The following SMG5 variants were observed in gnomAD, a reference collection of about 807,000 sequenced individuals.
SMG5 encodes the protein SMG5 nonsense mediated mRNA decay factor.
In SMG5, 53 loss-of-function variants were observed where a neutral mutation model predicts 122.9. The observed-to-expected ratio is 0.43, with a 90% CI of 0.35 to 0.54. SMG5 has a LOEUF of 0.54. Among genes scored for constraint, SMG5 ranks in the 20% least tolerant of loss-of-function variants. The pLI, the probability that SMG5 is intolerant of heterozygous loss-of-function variation, is 0.01. For synonymous variants in SMG5, 477 were observed against 490.2 expected (o/e 0.97, Z 0.35); for missense variants, 1,153 against 1,285.6 (o/e 0.90, Z 1.58).
chr1:156,259,308 T>A, intron 15 of SMG5, 145 bp from the exon 16 acceptor site: 1 of 845,192 alleles, frequency 1.2e-6, no homozygotes, highest in Non-Finnish European at 1.7e-6. Flanking sequence ...AGATTTGTGG[T>A]CTATGGGGTG....
rs372534316 is a variant in SMG5 at position 156,263,618 on chromosome 1, A to G, written c.1856-48T>C. On this transcript the variant is annotated intron_variant, in intron 12 of 21. Transcript: ENST00000361813. ...AGAAAAAAACTGGGATAAACAACTG[A>G]CACTTGGGAACAGGCCTCAGCTCTG... is the stretch of plus-strand genomic sequence containing the variant. 8.8e-6 allele frequency: 14 copies of G among 1,585,614 alleles called. No homozygotes were observed. In the African/African-American group the frequency reaches 1.9e-4, roughly 21 times the overall value.
intron 7 of SMG5, among the ~76,000 whole-genome samples, chr1:156,270,070 C>CTT (rs56658462): frequency 0.23 from 34,396 of 152,006 alleles, 4,540 homozygotes; most frequent in Non-Finnish European, 0.29. Flanking sequence ...ACCCAATGAC[C>CTT]TTAACACTCA....
At chr1:156,273,278 A>G in intron 6 of SMG5, 83 bp downstream of exon 6, 1 of 1,110,680 alleles carries the variant, frequency 9.0e-7, no homozygotes, top group Non-Finnish European at 1.4e-6. Flanking sequence ...GAAAATGAGT[A>G]TGAACTGCCT....
rs768648913 is a variant in SMG5 at position 156,260,534 on chromosome 1, G to C, written c.2200C>G (p.Leu734Val). ...GCTCGGAGCGGGGGCAGGTTACGAA[G>C]AGCCATGTCCTCTGGGAGCAGAAGG... ...SSLLLPEDMA[L>V]RNLPPLRAAH... Residue 734 changes from leucine (L) to valine (V), a missense_variant, in exon 15 of 22, where the codon CTT becomes GTT. By Grantham distance (32) the Leu-to-Val change is conservative (BLOSUM62 1). Transcript: ENST00000361813. 6 of 1,579,818 alleles carry C rather than the reference G, an allele frequency of 3.8e-6. No homozygotes were observed. In the African/African-American group the frequency reaches 5.5e-5, roughly 15 times the overall value.
At position 156,265,983 on chromosome 1, in the gene SMG5, G is replaced by A. The variant is rs1662110189; in HGVS notation, c.1653C>T (p.Ser551=). The stretch of plus-strand genomic sequence containing the variant: ...CACTGGGGCCCAGTGGGCCATTGAG[G>A]GAATCGGGAGCCTCTGATCTGCCCC... The part of the protein sequence containing the change: ...PPRGRSEAPD[S]LNGPLGPSEA... Residue 551 remains serine, a synonymous_variant, in exon 12 of 22, where the codon TCC becomes TCT. Coordinates refer to ENST00000361813, the MANE Select transcript of SMG5 (RefSeq NM_015327.3). The A allele has an allele frequency of 1.2e-6, 2 of 1,614,214 alleles. No individual in the cohort carries two copies. Among genetic ancestry groups the A allele is most frequent in the East Asian group, 4.5e-5 (2 of 44,874 alleles).
In SMG5 at chr1:156,249,744, T is replaced by C. The variant is rs548474826; in HGVS notation, c.*843A>G. The C allele has an allele frequency of 1.7e-5, 8 of 470,256 alleles. No individual in the cohort carries two copies. Among genetic ancestry groups the C allele is most frequent in the African/African-American group, 1.0e-4 (5 of 50,178 alleles). The allele number at this position is 470,256 out of a possible 1,614,324, so 29.1% of individuals were successfully genotyped here. On this transcript the variant is annotated 3_prime_UTR_variant, in exon 22 of 22. Transcript: ENST00000361813. ...AGGAAGGGGGGTGGTGGCCTCAGAC[T>C]GCACCCCCTTTCTTCTCTTCCTGGC...
At chr1:156,261,916 G>A (rs935975991) in intron 13 of SMG5, among the ~76,000 whole-genome samples, 1 of 137,038 alleles carries the variant, frequency 7.3e-6, no homozygotes, top group Admixed American at 7.5e-5. Context: ...AAAAAAAATA[G>A]CCAGGCGTGG....
Position 156,260,438 on chromosome 1 carries a change from A to T in SMG5, c.2283+13T>A, listed in dbSNP as rs766639379. The T allele has an allele frequency of 1.7e-5, 27 of 1,596,328 alleles. No homozygotes were observed. The highest frequency in any genetic ancestry group is 2.3e-5 in the Non-Finnish European group (27 of 1,173,726). On this transcript the variant is annotated intron_variant, in intron 15 of 21. Transcript: ENST00000361813. ...GACAAACAGAGCTGTGGCATAAGAA[A>T]TGCTATCCTTACCTCCTCTAAGGTG...
At position 156,273,697 on chromosome 1, in the gene SMG5, CTT is replaced by C. The variant is rs1343049576; in HGVS notation, c.545-249_545-248del. ...ATATTGTTTGTGAAGTAAATAAGCT[CTT>C]CTTTTTTTGTTTTGTTTTCTTTTTT... On this transcript the variant is annotated intron_variant, in intron 5 of 21. Coordinates refer to ENST00000361813, the MANE Select transcript of SMG5 (RefSeq NM_015327.3). Among the ~76,000 whole-genome samples, 8 of 144,646 alleles carry C rather than the reference CTT, an allele frequency of 5.5e-5. 1 individual carries two copies. The Middle Eastern group carries it at 0.022, about 399-fold the overall frequency. 94.9% of individuals were successfully genotyped at this position (144,646 alleles called of 152,430 possible).
At position 156,268,347 on chromosome 1, in the gene SMG5, T is replaced by A. The variant is rs746284440; in HGVS notation, c.782A>T (p.Lys261Ile). The A allele has an allele frequency of 3.1e-6, 5 of 1,614,200 alleles. No individual in the cohort carries two copies. The highest frequency in any genetic ancestry group is 1.6e-4 in the Middle Eastern group (1 of 6,062). Residue 261 changes from lysine (K) to isoleucine (I), a missense_variant, in exon 8 of 22, where the codon AAA becomes ATA. Physicochemically the swap from Lys to Ile is moderately radical, Grantham distance 102 (BLOSUM62 -3). This residue lies in a region of SMG5 where 85 missense variants were observed against 127.3 expected (regional missense o/e 0.67). Coordinates refer to ENST00000361813, the MANE Select transcript of SMG5 (RefSeq NM_015327.3). The stretch of plus-strand genomic sequence containing the variant: ...ACACTTCTTCAGTTGGTGGTACATT[T>A]TGGCTGCCTTGTCATACAGCCGCTT... The part of the protein sequence containing the change: ...NLKRLYDKAA[K>I]MYHQLKKCET...
intron 1 of SMG5, among the ~76,000 whole-genome samples, chr1:156,280,000 G>C (rs1299236816): frequency 6.6e-6 from 1 of 152,162 alleles, no homozygotes; most frequent in Non-Finnish European, 1.5e-5. Context: ...TACTTTGTGA[G>C]GATTAAATTA....
In SMG5 at chr1:156,260,710, T is replaced by A. The variant is rs763954193; in HGVS notation, c.2108-84A>T. 4 of 1,278,172 alleles carry A rather than the reference T, an allele frequency of 3.1e-6. No individual in the cohort carries two copies. The East Asian group carries it at 1.1e-4, about 37-fold the overall frequency. The allele number at this position is 1,278,172 out of a possible 1,614,324, so 79.2% of individuals were successfully genotyped here. ...ACATAACCCTTCCCTTTGGGAATTA[T>A]CAGGCTGATGAGATGATGAGGCAGG... On this transcript the variant is annotated intron_variant, in intron 14 of 21. Transcript: ENST00000361813.
chr1:156,288,088 G>A, the SMG5 span, among the ~76,000 whole-genome samples: 4 of 151,230 alleles, frequency 2.6e-5, no homozygotes, highest in Admixed American at 1.3e-4. Flanking sequence ...GGTGGCGAGC[G>A]CCTACAGTCC....
chr1:156,249,537 G>C lies in SMG5; in HGVS notation c.*1050C>G. On this transcript the variant is annotated 3_prime_UTR_variant, in exon 22 of 22. Transcript: ENST00000361813. ...CTTGGTGCGCCATTCACTGCCCTGA[G>C]CTATTCATGATCTCTGCTCCCAGAT... 2.7e-6 allele frequency: 1 copy of C among 365,384 alleles called. No homozygotes were observed. Among genetic ancestry groups the C allele is most frequent in the South Asian group, 2.1e-5 (1 of 48,270 alleles). The allele number at this position is 365,384 out of a possible 1,614,324, so 22.6% of individuals were successfully genotyped here. A position where few individuals can be genotyped will look rare whatever the true frequency, so the allele number is the denominator to read the frequency against.
intron 7 of SMG5, among the ~76,000 whole-genome samples, chr1:156,271,566 GTTTTT>G (rs755111375): frequency 7.3e-5 from 6 of 82,306 alleles, no homozygotes; most frequent in African/African-American, 2.3e-4. Flanking sequence ...CCCTGAAGAG[GTTTTT>G]TTTTTTTTTT....
intron 3 of SMG5, among the ~76,000 whole-genome samples, chr1:156,277,529 T>G (rs951484633): frequency 1.3e-5 from 2 of 149,066 alleles, no homozygotes; most frequent in Non-Finnish European, 3.0e-5. Context: ...TTTTTTTTTT[T>G]GAGATGGAGT....
At chr1:156,277,810 C>T in intron 3 of SMG5, 115 bp downstream of exon 3, 2 of 1,396,590 alleles carry the variant, frequency 1.4e-6, no homozygotes. Context: ...CCGTGCCCAG[C>T]CTCTTACTGC....
the SMG5 span, among the ~76,000 whole-genome samples, chr1:156,288,897 A>G: frequency 6.6e-6 from 1 of 152,224 alleles, no homozygotes; most frequent in Non-Finnish European, 1.5e-5. Flanking sequence ...TGGCTTAAGC[A>G]GTAAAAATCA....
intron 16 of SMG5, among the ~76,000 whole-genome samples, chr1:156,258,454 A>G (rs1661673945): frequency 3.9e-5 from 6 of 152,242 alleles, no homozygotes; most frequent in Admixed American, 3.9e-4. Flanking sequence ...AGATGGCCTC[A>G]ACCCCAGGTC....
Sources: allele counts gnomAD v4.1 joint callset (sites outside exome capture counted in the v4.1 genomes callset), GRCh38; gene constraint gnomAD v4.1.1; regional missense constraint gnomAD v4.1.1; transcripts MANE v1.5; gene names NCBI Gene and HGNC (gene_info 2026-07-23, HGNC 2026-07-21).